The following RYR3 variants were observed in gnomAD, a reference collection of about 807,000 sequenced individuals.
RYR3 encodes the protein brain ryanodine receptor-calcium release channel.
RYR3 carries 207 observed loss-of-function variants against 584.3 expected under a neutral mutation model. That is an observed-to-expected ratio of 0.35 (90% CI 0.32 to 0.40). The LOEUF (loss-of-function observed/expected upper bound fraction) is 0.40. RYR3 is among the 10% of genes least tolerant of loss of function. The pLI is 1.00. For missense variants in RYR3, 5,616 were observed against 6,089.2 expected (o/e 0.92, Z 2.59); for synonymous variants, 2,416 against 2,248.5 (o/e 1.07, Z -2.11).
intron 50 of RYR3, among the ~76,000 whole-genome samples, chr15:33,739,229 A>G (rs1376056454): frequency 2.0e-5 from 3 of 152,246 alleles, no homozygotes; most frequent in Non-Finnish European, 2.9e-5. Flanking sequence ...AGAGAAATCT[A>G]GAACATGCAC....
rs1242741850 is a variant in RYR3 at position 33,497,366 on chromosome 15, A to G, written c.172-6265A>G. Among the ~76,000 whole-genome samples, 3 of 152,140 alleles carry G rather than the reference A, an allele frequency of 2.0e-5. 1 individual carries two copies. The highest frequency in any genetic ancestry group is 4.4e-5 in the Non-Finnish European group (3 of 68,014). ...CTTTTTGCTTTCTGTCCCATCCAGT[A>G]GAAACCTGCTCATCTCCCACTCTTG... On this transcript the variant is annotated intron_variant, in intron 2 of 103. Coordinates refer to ENST00000634891, the MANE Select transcript of RYR3 (RefSeq NM_001036.6).
intron 60 of RYR3, among the ~76,000 whole-genome samples, chr15:33,758,878 A>G (rs945613505): frequency 1.3e-5 from 2 of 152,194 alleles, no homozygotes; most frequent in Non-Finnish European, 2.9e-5. Flanking sequence ...GTCGACAGAC[A>G]CCTCATAGAG....
chr15:33,813,606 A>G, intron 74 of RYR3, 27 bp downstream of exon 74: 4 of 1,562,520 alleles, frequency 2.6e-6, no homozygotes, highest in Non-Finnish European at 3.5e-6. Context: ...TTTTCCTGGC[A>G]TGTAAGCCAG....
rs1259086517 is a variant in RYR3 at position 33,662,322 on chromosome 15, C to T, written c.4792C>T (p.Leu1598Phe). ...QLFYAIDNKY[L>F]PGLLRSGFYD... Reference sequence around the variant, plus strand: ...CTTCTATGCCATTGACAACAAGTACCTCCCCGGCCTCCTTCGATCTGGTTT... The same window carrying T: ...CTTCTATGCCATTGACAACAAGTACTTCCCCGGCCTCCTTCGATCTGGTTT... Residue 1598 changes from leucine to phenylalanine, a missense_variant, in exon 35 of 104, where the codon CTC (leucine) becomes TTC (phenylalanine). Leu to Phe is a conservative substitution (Grantham distance 22, BLOSUM62 0). Around this residue, in one of 9 missense-constraint regions of RYR3, gnomAD observed 753 missense variants for 741.0 expected, o/e 1.02. Transcript: ENST00000634891. The T allele has an allele frequency of 1.2e-6, 2 of 1,611,740 alleles. No homozygotes were observed. The highest frequency in any genetic ancestry group is 1.3e-5 in the African/African-American group (1 of 74,878).
chr15:33,725,204 T>C lies in RYR3; in HGVS notation c.6912+1028T>C, dbSNP rs113431979. Among the ~76,000 whole-genome samples the C allele has an allele frequency of 8.0e-3, 846 of 106,212 alleles. 7 individuals are homozygous for C. Among genetic ancestry groups the C allele is most frequent in the African/African-American group, 0.022 (500 of 22,332 alleles). The allele number at this position is 106,212 out of a possible 152,430, so 69.7% of individuals were successfully genotyped here. ...ACACACACACACACACACACACACA[T>C]ATATACATCCCTTCTTAGGACCCCT... On this transcript the variant is annotated intron_variant, in intron 45 of 103. Coordinates refer to ENST00000634891, the MANE Select transcript of RYR3 (RefSeq NM_001036.6).
intron 43 of RYR3, among the ~76,000 whole-genome samples, chr15:33,718,980 G>GTCAA (rs2152803958): frequency 6.6e-6 from 1 of 152,288 alleles, no homozygotes; most frequent in East Asian, 1.9e-4. Flanking sequence ...TGCCCTCAAG[G>GTCAA]TCAATATCTA....
At chr15:33,322,366 G>A (rs994064755) in intron 1 of RYR3, among the ~76,000 whole-genome samples, 9 of 152,072 alleles carry the variant, frequency 5.9e-5, no homozygotes, top group Admixed American at 1.3e-4. Context: ...GAGAGGGAGC[G>A]GCAGGGGGAG....
At chr15:33,487,839 G>C (rs1158512235) in intron 2 of RYR3, among the ~76,000 whole-genome samples, 1 of 152,196 alleles carries the variant, frequency 6.6e-6, no homozygotes, top group Admixed American at 6.5e-5. Flanking sequence ...CCACATTCCA[G>C]TTCTTCGTGA....
chr15:33,649,159 A>G lies in RYR3; in HGVS notation c.4066A>G (p.Ser1356Gly), dbSNP rs374585350. 7.4e-6 allele frequency: 12 copies of G among 1,613,704 alleles called. No individual in the cohort carries two copies. Among genetic ancestry groups the G allele is most frequent in the Non-Finnish European group, 8.5e-6 (10 of 1,179,848 alleles). Residue 1356 changes from serine to glycine, a missense_variant, in exon 31 of 104, where the codon AGT becomes GGT. Coordinates refer to ENST00000634891, the MANE Select transcript of RYR3 (RefSeq NM_001036.6). Reference protein sequence around the residue: ...GWVTPDYHLYSEKFDLNKNCT... With the variant: ...GWVTPDYHLYGEKFDLNKNCT... ...GGTGACTCCAGACTATCACTTGTAC[A>G]GTGAAAAGTTTGACCTGAATAAAAA...
chr15:33,831,193 C>T (rs1406919635), intron 86 of RYR3, 102 bp downstream of exon 86: 2 of 1,096,736 alleles, frequency 1.8e-6, no homozygotes, highest in Admixed American at 5.5e-5. Context: ...AGTGCACTAT[C>T]CATCCAGCCC....
At chr15:33,323,075 T>C (rs1231484807) in intron 1 of RYR3, among the ~76,000 whole-genome samples, 1 of 151,596 alleles carries the variant, frequency 6.6e-6, no homozygotes, top group South Asian at 2.1e-4. Context: ...GCATATTTTC[T>C]CTTCCGTGCT....
At position 33,311,189 on chromosome 15, in the gene RYR3, G is replaced by C; in HGVS notation, c.51+93G>C. On this transcript the variant is annotated intron_variant, in intron 1 of 103. Transcript: ENST00000634891. This position sits in a 1 kb window ranked among gnomAD's most constrained non-coding sequence, Gnocchi z 4.4. ...GCTGGCTGCGCTGCGCCGCGGTGCC[G>C]GGTGCCCGGTGCCGGGCGCTTTCTC... is the stretch of plus-strand genomic sequence containing the variant. The C allele has an allele frequency of 1.0e-6, 1 of 998,238 alleles. No homozygotes were observed. The highest frequency in any genetic ancestry group is 3.3e-5 in the East Asian group (1 of 30,406). The allele number at this position is 998,238 out of a possible 1,614,324, so 61.8% of individuals were successfully genotyped here. A position where few individuals can be genotyped will look rare whatever the true frequency, so the allele number is the denominator to read the frequency against.
rs1595549414 is a variant in RYR3, at chr15:33,550,284, A to G, written c.940A>G (p.Lys314Glu). ...GCAAGACCGGGCAAAGTCAGACACCAAGTCCACAGCTTTCTCTTTCCGGGC... is the reference window on the plus strand; with the variant it reads ...GCAAGACCGGGCAAAGTCAGACACCGAGTCCACAGCTTTCTCTTTCCGGGC... ...ILQDRAKSDT[K>E]STAFSFRASK... Residue 314 changes from lysine to glutamate, a missense_variant, in exon 10 of 104, where the codon AAG becomes GAG. Lys to Glu is a moderately conservative substitution (Grantham distance 56). Around this residue, in one of 9 missense-constraint regions of RYR3, gnomAD observed 1,284 missense variants for 1,344.6 expected, o/e 0.95. Coordinates refer to ENST00000634891, the MANE Select transcript of RYR3 (RefSeq NM_001036.6). 1 of 1,613,482 alleles carries G rather than the reference A, an allele frequency of 6.2e-7. No individual in the cohort carries two copies. The highest frequency in any genetic ancestry group is 8.5e-7 in the Non-Finnish European group (1 of 1,179,682).
chr15:33,714,448 G>A (rs1335689858), intron 43 of RYR3, among the ~76,000 whole-genome samples: 1 of 152,070 alleles, frequency 6.6e-6, no homozygotes, highest in Non-Finnish European at 1.5e-5. Context: ...GAAGCCTTGG[G>A]TTGTGTTTAA....
intron 53 of RYR3, 30 bp from the exon 54 acceptor site, chr15:33,748,084 C>A: frequency 3.1e-6 from 5 of 1,611,346 alleles, no homozygotes; most frequent in Non-Finnish European, 4.2e-6. Flanking sequence ...GTGTGTTCTG[C>A]AAAGTGCTTC....
At chr15:33,771,402 C>T (rs981160546) in intron 62 of RYR3, among the ~76,000 whole-genome samples, 3 of 151,454 alleles carry the variant, frequency 2.0e-5, no homozygotes, top group Admixed American at 6.6e-5. Context: ...GGCGTGGTGG[C>T]GGGTGCCTGT....
At chr15:33,473,633 C>T (rs1397285612) in intron 2 of RYR3, 95 bp downstream of exon 2, 3 of 1,225,162 alleles carry the variant, frequency 2.4e-6, no homozygotes, top group African/African-American at 3.0e-5. Flanking sequence ...ATGAGGACGA[C>T]ATTTGAAAGG....
chr15:33,492,840 G>A (rs1435703520), intron 2 of RYR3, among the ~76,000 whole-genome samples: 1 of 152,094 alleles, frequency 6.6e-6, no homozygotes, highest in African/African-American at 2.4e-5. Context: ...GCTTAACAAT[G>A]CTTTTCTCAG....
At chr15:33,393,428 A>G (rs2042120275) in intron 1 of RYR3, among the ~76,000 whole-genome samples, 1 of 152,238 alleles carries the variant, frequency 6.6e-6, no homozygotes, top group Admixed American at 6.5e-5. Context: ...GAGAACCTAC[A>G]TAACATGTAT....
Sources: gnomAD v4.1 joint callset for allele counts (sites outside exome capture counted in the v4.1 genomes callset) on GRCh38, gnomAD v4.1.1 for gene constraint, gnomAD v4.1.1 regional missense constraint, Gnocchi (gnomAD v3.1) non-coding constraint, MANE v1.5 for transcripts, NCBI Gene and HGNC (gene_info 2026-07-23, HGNC 2026-07-21) for gene names.